CSMD3: variants seen among roughly 807,000 people sequenced by gnomAD.
The protein encoded by CSMD3 is CUB and sushi domain-containing protein 3.
A neutral mutation model predicts 435.2 loss-of-function variants in CSMD3; 177 were observed. That is an observed-to-expected ratio of 0.41 (90% confidence interval 0.36 to 0.46). The LOEUF is 0.46. CSMD3 is among the 20% of genes least tolerant of loss of function. CSMD3 has a pLI of 0.34. For synonymous variants in CSMD3, 1,656 were observed against 1,520.5 expected (o/e 1.09, Z -2.07); for missense variants, 4,265 against 4,504.6 (o/e 0.95, Z 1.52).
intron 13 of CSMD3, among the ~76,000 whole-genome samples, chr8:112,779,860 G>T (rs1159004305): frequency 4.5e-4 from 69 of 151,988 alleles, no homozygotes; most frequent in Admixed American, 1.3e-4. Context: ...CTCCTCTGCT[G>T]TTAAAAAATC....
intron 10 of CSMD3, among the ~76,000 whole-genome samples, chr8:112,889,496 A>G (rs934528325): frequency 6.6e-6 from 1 of 151,664 alleles, no homozygotes; most frequent in Admixed American, 6.6e-5. Context: ...GCATTAGTTT[A>G]TTTCTAGATC....
chr8:113,357,434 G>A (rs1445806185), intron 1 of CSMD3, among the ~76,000 whole-genome samples: 1 of 152,140 alleles, frequency 6.6e-6, no homozygotes, highest in Non-Finnish European at 1.5e-5. Context: ...TCATTATTCA[G>A]TACTTGAAAT....
At chr8:112,410,514 A>ATG (rs1198434925) in intron 32 of CSMD3, among the ~76,000 whole-genome samples, 146 of 142,178 alleles carry the variant, frequency 1.0e-3, no homozygotes, top group Admixed American at 3.1e-3. Flanking sequence ...ATATATATAT[A>ATG]TATATGTATA....
chr8:112,952,366 CT>C (rs952700870), intron 8 of CSMD3, among the ~76,000 whole-genome samples: 1 of 151,552 alleles, frequency 6.6e-6, no homozygotes, highest in African/African-American at 2.4e-5. Flanking sequence ...TAGAATTGAT[CT>C]TTTTTTCAAA....
intron 13 of CSMD3, among the ~76,000 whole-genome samples, chr8:112,788,432 C>A (rs1171641617): frequency 2.0e-5 from 3 of 152,078 alleles, no homozygotes; most frequent in Non-Finnish European, 4.4e-5. Context: ...GGTTATGCTG[C>A]CCCAGTTCCC....
At chr8:112,478,115 A>G (rs1459314113) in intron 31 of CSMD3, among the ~76,000 whole-genome samples, 9 of 152,176 alleles carry the variant, frequency 5.9e-5, no homozygotes, top group African/African-American at 1.2e-4. Context: ...ACCTTCCACC[A>G]TGATCGTGAG....
chr8:112,711,296 G>A (rs1425998949), intron 13 of CSMD3, among the ~76,000 whole-genome samples: 2 of 151,974 alleles, frequency 1.3e-5, no homozygotes, highest in African/African-American at 4.8e-5. Context: ...ATAATAATGT[G>A]CCAGAAGGCC....
chr8:113,383,246 A>T (rs2094424838), intron 1 of CSMD3, among the ~76,000 whole-genome samples: 1 of 152,152 alleles, frequency 6.6e-6, no homozygotes, highest in Non-Finnish European at 1.5e-5. Context: ...AGAGATGGGC[A>T]GGGATGGGAT....
intron 13 of CSMD3, among the ~76,000 whole-genome samples, chr8:112,761,669 ACTAT>A (rs2077841615): frequency 6.6e-6 from 1 of 152,078 alleles, no homozygotes; most frequent in Admixed American, 6.6e-5. Context: ...TTAAAACTAT[ACTAT>A]ACAAACATTT....
intron 4 of CSMD3, among the ~76,000 whole-genome samples, chr8:113,168,543 A>AAAAAAAAAAAAAAAT (rs2092205253): frequency 6.7e-6 from 1 of 149,568 alleles, no homozygotes; most frequent in Non-Finnish European, 1.5e-5. Flanking sequence ...AAAAAAAAAA[A>AAAAAAAAAAAAAAAT]AAAACTACAG....
intron 22 of CSMD3, among the ~76,000 whole-genome samples, chr8:112,620,432 A>C (rs540478855): frequency 2.2e-4 from 34 of 152,328 alleles, no homozygotes; most frequent in African/African-American, 7.2e-4. Flanking sequence ...GCTGACAGAC[A>C]AAATGAGTTC....
intron 22 of CSMD3, among the ~76,000 whole-genome samples, chr8:112,627,514 TAA>T (rs1414430283): frequency 6.6e-6 from 1 of 152,188 alleles, no homozygotes; most frequent in Non-Finnish European, 1.5e-5. Flanking sequence ...AACTCTCTTT[TAA>T]AAAGTCTGTG....
chr8:112,969,210 T>C (rs990474759), intron 7 of CSMD3, among the ~76,000 whole-genome samples: 2 of 152,008 alleles, frequency 1.3e-5, no homozygotes, highest in African/African-American at 4.8e-5. Context: ...TGTTTTCTTA[T>C]TTTTGTTGAG....
At chr8:113,030,256 T>C (rs553016434) in intron 5 of CSMD3, among the ~76,000 whole-genome samples, 8 of 150,278 alleles carry the variant, frequency 5.3e-5, no homozygotes, top group Admixed American at 2.0e-4. Flanking sequence ...ACATCATTCA[T>C]TACAGAATTA....
chr8:112,570,747 G>A (rs1305322096), intron 24 of CSMD3, among the ~76,000 whole-genome samples: 3 of 152,152 alleles, frequency 2.0e-5, no homozygotes, highest in Non-Finnish European at 4.4e-5. Flanking sequence ...CCCTTTCCGA[G>A]AGAATACAGC....
intron 10 of CSMD3, among the ~76,000 whole-genome samples, chr8:112,885,195 T>C (rs896471779): frequency 1.3e-5 from 2 of 151,768 alleles, no homozygotes; most frequent in African/African-American, 2.4e-5. Context: ...TACTGAGTGA[T>C]TGACAGTCAT....
At chr8:112,731,859 A>G (rs1025850838) in intron 13 of CSMD3, among the ~76,000 whole-genome samples, 1 of 152,166 alleles carries the variant, frequency 6.6e-6, no homozygotes, top group Non-Finnish European at 1.5e-5. Context: ...TTATTGAAAG[A>G]AAACTGTCAA....
chr8:112,892,831 GTTTA>G (rs1291785730), intron 10 of CSMD3, among the ~76,000 whole-genome samples: 1 of 151,234 alleles, frequency 6.6e-6, no homozygotes, highest in East Asian at 2.0e-4. Flanking sequence ...TTCAGTATTT[GTTTA>G]TTTTGTGTTG....
chr8:112,516,975 C>G (rs1198628282), intron 28 of CSMD3, 59 bp downstream of exon 28: 2 of 1,299,766 alleles, frequency 1.5e-6, no homozygotes, highest in Non-Finnish European at 2.2e-6. Context: ...AAGAACAATA[C>G]CAGTTTTTAA....
Sources: allele counts gnomAD v4.1 joint callset (sites outside exome capture counted in the v4.1 genomes callset), GRCh38; gene constraint gnomAD v4.1.1; transcripts MANE v1.5; gene names NCBI Gene and HGNC (gene_info 2026-07-23, HGNC 2026-07-21).